Variants in AFF4 observed in about 807,000 individuals in gnomAD.
AFF4 encodes the protein ALF transcription elongation factor 4.
Under a neutral mutation model 124.8 loss-of-function variants are expected in AFF4, and 13 were observed. The ratio of observed to expected loss-of-function variants is 0.10; its 90% CI spans 0.07 to 0.17. The LOEUF is 0.17. Ranked by LOEUF, AFF4 falls within the 10% of genes least tolerant of loss-of-function variation. AFF4 has a pLI of 1.00. For synonymous variants in AFF4, 477 were observed against 496.1 expected (o/e 0.96, Z 0.51); for missense variants, 1,092 against 1,403.8 (o/e 0.78, Z 3.55).
At chr5:132,945,429 C>G (rs935268729) in intron 1 of AFF4, 3 of 152,204 alleles carry the variant, frequency 2.0e-5, no homozygotes, top group Non-Finnish European at 4.4e-5. Context: ...TTGACCCCTT[C>G]TCACTCCCAC....
chr5:132,880,348 GTTA>G lies in AFF4; in HGVS notation c.*708_*710del, dbSNP rs1433748793. 2.0e-5 allele frequency: 8 copies of G among 398,802 alleles called. No homozygotes were observed. Among genetic ancestry groups the G allele is most frequent in the African/African-American group, 4.1e-5 (2 of 48,622 alleles). 24.7% of individuals were successfully genotyped at this position (398,802 alleles called of 1,614,324 possible). Reference sequence around the variant, plus strand: ...ATAGTCACTGTGTGATTGCTGTAGTGTTATTAACACACATTCACAGTTTTTGAA... The same window carrying G: ...ATAGTCACTGTGTGATTGCTGTAGTGTTAACACACATTCACAGTTTTTGAA... On this transcript the variant is annotated 3_prime_UTR_variant, in exon 21 of 21. Coordinates refer to ENST00000265343, the MANE Select transcript of AFF4 (RefSeq NM_014423.4).
chr5:132,940,583 G>GT (rs1290434484), intron 1 of AFF4, among the ~76,000 whole-genome samples: 2 of 152,162 alleles, frequency 1.3e-5, no homozygotes. Flanking sequence ...CATTCAAGAA[G>GT]TATTTCTATA....
At chr5:132,881,609 G>C (rs186862125) in intron 20 of AFF4, among the ~76,000 whole-genome samples, 1 of 152,184 alleles carries the variant, frequency 6.6e-6, no homozygotes, top group African/African-American at 2.4e-5. Context: ...GCCTCTGTGA[G>C]GTTAGACACT....
At chr5:132,908,336 T>C (rs938223002) in intron 5 of AFF4, among the ~76,000 whole-genome samples, 1 of 152,068 alleles carries the variant, frequency 6.6e-6, no homozygotes, top group African/African-American at 2.4e-5. Flanking sequence ...GCTTCAAAGG[T>C]ATGACGCTAA....
chr5:132,963,617 G>C lies in AFF4; in HGVS notation c.-363C>G, dbSNP rs1463058796. On this transcript the variant is annotated 5_prime_UTR_variant, in exon 1 of 21. Coordinates refer to ENST00000265343, the MANE Select transcript of AFF4 (RefSeq NM_014423.4). ...CGGCGACGGCAGCTGGACTCCTGCA[G>C]CCAGGGCTGTGACTGACGCAGCGGC... The C allele has an allele frequency of 2.5e-6, 1 of 397,122 alleles. No individual in the cohort carries two copies. The highest frequency in any genetic ancestry group is 4.4e-6 in the Non-Finnish European group (1 of 225,328). The allele number at this position is 397,122 out of a possible 1,614,324, so 24.6% of individuals were successfully genotyped here.
chr5:132,923,701 G>C (rs1761106359), intron 5 of AFF4, among the ~76,000 whole-genome samples: 1 of 151,860 alleles, frequency 6.6e-6, no homozygotes, highest in South Asian at 2.1e-4. Flanking sequence ...CTCCAGCCTA[G>C]GTAAGACCAG....
intron 9 of AFF4, 37 bp from the exon 10 acceptor site, chr5:132,898,429 T>C: frequency 6.3e-7 from 1 of 1,586,906 alleles, no homozygotes; most frequent in Non-Finnish European, 8.6e-7. Flanking sequence ...CCAAAGTTTA[T>C]TTTACATTGA....
At chr5:132,957,325 G>C (rs2150114778) in intron 1 of AFF4, among the ~76,000 whole-genome samples, 1 of 151,894 alleles carries the variant, frequency 6.6e-6, no homozygotes, top group South Asian at 2.1e-4. Context: ...GGGTAACCGA[G>C]TGCAGTCCTG....
At chr5:132,933,284 C>A (rs1761342902) in intron 3 of AFF4, among the ~76,000 whole-genome samples, 1 of 151,956 alleles carries the variant, frequency 6.6e-6, no homozygotes, top group African/African-American at 2.4e-5. Flanking sequence ...GTAATCCCAG[C>A]TACTCGGGAG....
intron 1 of AFF4, among the ~76,000 whole-genome samples, chr5:132,938,941 CAAAAAAAAAA>C (rs762784790): frequency 2.6e-5 from 1 of 38,338 alleles, no homozygotes; most frequent in African/African-American, 1.0e-4. Flanking sequence ...AGACTCATCT[CAAAAAAAAAA>C]AAAAAAAAAA....
chr5:132,896,073 A>G (rs2150072106), intron 11 of AFF4, among the ~76,000 whole-genome samples: 1 of 152,380 alleles, frequency 6.6e-6, no homozygotes, highest in South Asian at 2.1e-4. Context: ...TACACTGGCC[A>G]GCACATGCTG....
intron 1 of AFF4, among the ~76,000 whole-genome samples, chr5:132,951,919 G>A (rs1006163285): frequency 1.1e-4 from 16 of 152,164 alleles, no homozygotes; most frequent in African/African-American, 3.9e-4. Flanking sequence ...TATTAAAAAG[G>A]TATACTCTTA....
intron 10 of AFF4, among the ~76,000 whole-genome samples, chr5:132,897,521 C>T (rs939314809): frequency 2.0e-5 from 3 of 152,026 alleles, no homozygotes; most frequent in African/African-American, 4.8e-5. Flanking sequence ...ACCAGTCTGA[C>T]CAACATGGTG....
At chr5:132,886,829 C>T (rs1760131036) in intron 17 of AFF4, among the ~76,000 whole-genome samples, 1 of 152,252 alleles carries the variant, frequency 6.6e-6, no homozygotes, top group Non-Finnish European at 1.5e-5. Context: ...TCTCCAGTCA[C>T]ACCCACTTCT....
At position 132,896,306 on chromosome 5, in the gene AFF4, A is replaced by G; in HGVS notation, c.2307+17T>C. 6.4e-7 allele frequency: 1 copy of G among 1,558,094 alleles called. No individual in the cohort carries two copies. The highest frequency in any genetic ancestry group is 8.6e-7 in the Non-Finnish European group (1 of 1,160,876). On this transcript the variant is annotated intron_variant, in intron 11 of 20. Coordinates refer to ENST00000265343, the MANE Select transcript of AFF4 (RefSeq NM_014423.4). The stretch of plus-strand genomic sequence containing the variant: ...ATTCTGATGTTTCAAAACAAACAAC[A>G]AAAACCCTTCACAAACCTTATGCTT...
Position 132,883,360 on chromosome 5 carries a change from T to C in AFF4, c.3344A>G (p.Gln1115Arg). ...YATEIWDQAE[Q>R]LSKEQKEFFA... ...CCTACCTTTTTGCTCTTTGGAAAGC[T>C]GTTCAGCTTGGTCCCAAATTTCGGT... Residue 1115 changes from glutamine (Q) to arginine (R), a missense_variant, in exon 20 of 21, where the codon CAG becomes CGG. Gln to Arg is a conservative substitution (Grantham distance 43). Around this residue, in one of 11 missense-constraint regions of AFF4, gnomAD observed 173 missense variants for 294.9 expected, o/e 0.59. Coordinates refer to ENST00000265343, the MANE Select transcript of AFF4 (RefSeq NM_014423.4). 1 of 1,614,030 alleles carries C rather than the reference T, an allele frequency of 6.2e-7. No homozygotes were observed. The highest frequency in any genetic ancestry group is 8.5e-7 in the Non-Finnish European group (1 of 1,180,010).
At chr5:132,950,114 G>A (rs186216181) in intron 1 of AFF4, among the ~76,000 whole-genome samples, 91 of 150,228 alleles carry the variant, frequency 6.1e-4, no homozygotes, top group African/African-American at 2.2e-3. Flanking sequence ...GGCCGATCAC[G>A]AGGTCAGGAG....
intron 5 of AFF4, among the ~76,000 whole-genome samples, chr5:132,905,198 T>G (rs1760645422): frequency 6.6e-6 from 1 of 152,210 alleles, no homozygotes; most frequent in African/African-American, 2.4e-5. Flanking sequence ...TACTTCCATG[T>G]AAGCCCTATA....
At chr5:132,900,381 AC>A (rs1760519802) in intron 7 of AFF4, among the ~76,000 whole-genome samples, 1 of 152,054 alleles carries the variant, frequency 6.6e-6, no homozygotes, top group African/African-American at 2.4e-5. Context: ...ACAGGGTGAA[AC>A]CCTGTCTCTA....
Sources: gnomAD v4.1 joint callset for allele counts (sites outside exome capture counted in the v4.1 genomes callset) on GRCh38, gnomAD v4.1.1 for gene constraint, gnomAD v4.1.1 regional missense constraint, MANE v1.5 for transcripts, NCBI Gene and HGNC (gene_info 2026-07-23, HGNC 2026-07-21) for gene names.